Variants in AP1B1 observed in about 807,000 individuals in gnomAD.
The protein encoded by AP1B1 is AP-1 complex subunit beta-1.
AP1B1 carries 36 observed loss-of-function variants against 104.3 expected under a neutral mutation model. That is an observed-to-expected ratio of 0.35 (90% CI 0.26 to 0.46). The LOEUF is 0.46. AP1B1 is among the 20% of genes least tolerant of loss of function. AP1B1 has a pLI of 1.00. For synonymous variants in AP1B1, 504 were observed against 517.5 expected (o/e 0.97, Z 0.35); for missense variants, 901 against 1,247.9 (o/e 0.72, Z 4.19).
At chr22:29,351,973 C>T in intron 7 of AP1B1, 148 bp from the exon 8 acceptor site, 1 of 1,121,140 alleles carries the variant, frequency 8.9e-7, no homozygotes, top group Admixed American at 2.5e-5. Context: ...CTGCAAGCTC[C>T]TGGGTAGAGG....
intron 22 of AP1B1, chr22:29,329,176 G>C (rs2061519657): frequency 7.8e-7 from 1 of 1,276,062 alleles, no homozygotes. Flanking sequence ...GAGGCTGCCA[G>C]GGAGTGCCCG....
chr22:29,334,508 C>A (rs2061609120), intron 16 of AP1B1, 98 bp from the exon 17 acceptor site: 1 of 1,356,488 alleles, frequency 7.4e-7, no homozygotes. Flanking sequence ...CTCTCTCCTG[C>A]AGGGGCCTCC....
intron 5 of AP1B1, among the ~76,000 whole-genome samples, chr22:29,357,260 G>A (rs1291124233): frequency 6.6e-6 from 1 of 151,960 alleles, no homozygotes; most frequent in East Asian, 1.9e-4. Context: ...TAGAGATGGG[G>A]TTTCGCCATG....
rs772922184 is a variant in AP1B1 at position 29,328,925 on chromosome 22, A to G, written c.2776-30T>C. ...AGGGGAGAGAGGGGTCGGGGGAAAG[A>G]GCGCTCATCCCTGGGGTTCCTCTCA... On this transcript the variant is annotated intron_variant, in intron 22 of 22. Coordinates refer to ENST00000357586, the MANE Select transcript of AP1B1 (RefSeq NM_001127.4). This position sits in a 1 kb window ranked among gnomAD's most constrained non-coding sequence, Gnocchi z 4.1. 3 of 1,595,526 alleles carry G rather than the reference A, an allele frequency of 1.9e-6. No individual in the cohort carries two copies. Among genetic ancestry groups the G allele is most frequent in the Non-Finnish European group, 8.5e-7 (1 of 1,173,732 alleles).
chr22:29,349,736 G>C (rs1481529656), intron 10 of AP1B1, among the ~76,000 whole-genome samples: 1 of 152,046 alleles, frequency 6.6e-6, no homozygotes, highest in Non-Finnish European at 1.5e-5. Context: ...GACTAGTCTT[G>C]AACTCCTGAT....
intron 11 of AP1B1, 77 bp downstream of exon 11, chr22:29,349,141 G>T: frequency 6.5e-7 from 1 of 1,540,074 alleles, no homozygotes; most frequent in Non-Finnish European, 8.8e-7. Context: ...AGGAAGGGAG[G>T]GTTTCATGGC....
intron 13 of AP1B1, among the ~76,000 whole-genome samples, chr22:29,341,074 G>A (rs2061707596): frequency 6.6e-6 from 1 of 152,224 alleles, no homozygotes; most frequent in South Asian, 2.1e-4. Context: ...GGAGAGGGCC[G>A]CCTGCTTCTA....
chr22:29,354,682 G>C lies in AP1B1; in HGVS notation c.906C>G (p.Ala302=), dbSNP rs1203377194. The change falls in exon 7 of 23, where the codon GCC becomes GCG. Residue 302 remains alanine, a synonymous_variant. Coordinates refer to ENST00000357586, the MANE Select transcript of AP1B1 (RefSeq NM_001127.4). ...LSAEPELQYV[A]LRNINLIVQK... ...GCACGATGAGATTGATGTTGCGCAG[G>C]GCCACATACTGCAGCTCTGGCTCGG... The C allele has an allele frequency of 6.2e-7, 1 of 1,613,904 alleles. No homozygotes were observed. The highest frequency in any genetic ancestry group is 2.2e-5 in the East Asian group (1 of 44,884).
At chr22:29,387,452 C>T (rs764245603) in intron 1 of AP1B1, among the ~76,000 whole-genome samples, 33 of 152,220 alleles carry the variant, frequency 2.2e-4, no homozygotes, top group East Asian at 1.9e-4. Context: ...GGATTACAGG[C>T]GTACGCCACC....
intron 16 of AP1B1, 23 bp from the exon 17 acceptor site, chr22:29,334,433 G>T: frequency 6.3e-7 from 1 of 1,582,134 alleles, no homozygotes. Context: ...GGGTGCGGAG[G>T]GGGCGGGTAG....
intron 1 of AP1B1, among the ~76,000 whole-genome samples, chr22:29,371,903 T>A (rs1024577800): frequency 6.6e-6 from 1 of 151,792 alleles, no homozygotes; most frequent in Admixed American, 6.6e-5. Context: ...TGGGCTGGGA[T>A]CCCCCCCTCA....
At chr22:29,329,903 G>A (rs1426277798) in intron 21 of AP1B1, 183 bp from the exon 22 acceptor site, 2 of 1,448,922 alleles carry the variant, frequency 1.4e-6, no homozygotes, top group African/African-American at 1.4e-5. Context: ...GAGAAGCAGA[G>A]TTTGGGGCTG....
In AP1B1 at chr22:29,363,070, T is replaced by A; in HGVS notation, c.74A>T (p.Asp25Val). ...TGCCTCCTTCTTCTTCTCCTTCTTG[T>A]CACTGTTGAGCTCTGCCTTCAGCTC... Reference protein sequence around the residue: ...IFELKAELNSDKKEKKKEAVK... With the variant: ...IFELKAELNSVKKEKKKEAVK... Residue 25 changes from aspartate to valine, a missense_variant, in exon 3 of 23, where the codon GAC becomes GTC. Physicochemically the swap from Asp to Val is radical, Grantham distance 152. Around this residue, in one of 3 missense-constraint regions of AP1B1, gnomAD observed 6 missense variants for 57.2 expected, o/e 0.10. Coordinates refer to ENST00000357586, the MANE Select transcript of AP1B1 (RefSeq NM_001127.4). The A allele has an allele frequency of 6.4e-7, 1 of 1,558,600 alleles. No individual in the cohort carries two copies. Among genetic ancestry groups the A allele is most frequent in the South Asian group, 1.1e-5 (1 of 90,004 alleles).
At chr22:29,383,960 T>C (rs1303009096) in intron 1 of AP1B1, among the ~76,000 whole-genome samples, 1 of 152,092 alleles carries the variant, frequency 6.6e-6, no homozygotes, top group Non-Finnish European at 1.5e-5. Flanking sequence ...TGTAGGAGTG[T>C]AGAACCATAG....
At chr22:29,369,837 ATTT>A (rs564733165) in intron 1 of AP1B1, among the ~76,000 whole-genome samples, 157 of 120,182 alleles carry the variant, frequency 1.3e-3, no homozygotes, top group Non-Finnish European at 1.3e-3. Context: ...ATTAAAAACG[ATTT>A]TTTTTTTTTT....
chr22:29,332,494 C>G (rs62226088), intron 17 of AP1B1, among the ~76,000 whole-genome samples: 1,817 of 152,332 alleles, frequency 0.012, 21 homozygotes, highest in Non-Finnish European at 0.019. Context: ...GGGTGTGAGA[C>G]ACGCCAGCAG....
intron 5 of AP1B1, 150 bp downstream of exon 5, chr22:29,358,576 T>C (rs2061995212): frequency 8.9e-7 from 1 of 1,122,560 alleles, no homozygotes. Context: ...AGAGGGTGCC[T>C]GAACCACCAA....
chr22:29,383,171 GAA>G (rs1432197532), intron 1 of AP1B1, among the ~76,000 whole-genome samples: 1 of 152,126 alleles, frequency 6.6e-6, no homozygotes, highest in Non-Finnish European at 1.5e-5. Context: ...ACTGGACTTA[GAA>G]AGTCTCTGTC....
intron 2 of AP1B1, among the ~76,000 whole-genome samples, chr22:29,365,644 G>A (rs554103424): frequency 1.3e-5 from 2 of 151,848 alleles, no homozygotes; most frequent in Middle Eastern, 3.4e-3. Flanking sequence ...GGCTAGACTC[G>A]AACTCCTGGG....
Sources: gnomAD v4.1 joint callset for allele counts (sites outside exome capture counted in the v4.1 genomes callset) on GRCh38, gnomAD v4.1.1 for gene constraint, gnomAD v4.1.1 regional missense constraint, Gnocchi (gnomAD v3.1) non-coding constraint, MANE v1.5 for transcripts, NCBI Gene and HGNC (gene_info 2026-07-23, HGNC 2026-07-21) for gene names.